ARID1A: variants seen among roughly 807,000 people sequenced by gnomAD.
ARID1A encodes AT-rich interaction domain 1A, also known as AT-rich interactive domain-containing protein 1A.
ARID1A carries 20 observed loss-of-function variants against 212.6 expected under a neutral mutation model. That is an observed-to-expected ratio of 0.09 (90% CI 0.07 to 0.14). ARID1A has a LOEUF of 0.14. ARID1A is among the 10% of genes least tolerant of loss of function. ARID1A has a pLI of 1.00. For missense variants in ARID1A, 2,587 were observed against 3,059.0 expected, an observed-to-expected ratio of 0.85 and a Z score of 3.64; for synonymous variants, 1,376 against 1,222.1, an observed-to-expected ratio of 1.13 and a Z score of -2.63.
Position 26,731,441 on chromosome 1 carries a change from G to C in ARID1A, c.1640G>C (p.Ser547Thr). The C allele has an allele frequency of 6.2e-7, 1 of 1,613,574 alleles. No individual in the cohort carries two copies. Among genetic ancestry groups the C allele is most frequent in the Non-Finnish European group, 8.5e-7 (1 of 1,179,900 alleles). Reference sequence around the variant, plus strand: ...TCGACGACACAGCAGCACCCCCAGAGCCAGCCCCCCTACTCACAGCCACAG... The same window carrying C: ...TCGACGACACAGCAGCACCCCCAGACCCAGCCCCCCTACTCACAGCCACAG... Reference protein sequence around the residue: ...QQSTTQQHPQSQPPYSQPQAQ... With the variant: ...QQSTTQQHPQTQPPYSQPQAQ... Residue 547 changes from serine to threonine, a missense_variant, in exon 3 of 20, where the codon AGC becomes ACC. Physicochemically the swap from Ser to Thr is moderately conservative, Grantham distance 58. Transcript: ENST00000324856.
Position 26,779,685 on chromosome 1 carries a change from T to G in ARID1A, c.5787T>G (p.Ser1929Arg), listed in dbSNP as rs746078309. ...CCTTGACCGAGGATGGAGCTAAGAG[T>G]TCAGAGGCCATCAAGGAGAGCAGCA... ...SSTLTEDGAK[S>R]SEAIKESSKF... is the part of the protein sequence containing the mutation. The change falls in exon 20 of 20, where the codon AGT (serine) becomes AGG (arginine). Residue 1929 changes from serine to arginine, a missense_variant. Coordinates refer to ENST00000324856, the MANE Select transcript of ARID1A (RefSeq NM_006015.6). 6.2e-7 allele frequency: 1 copy of G among 1,613,612 alleles called. No individual in the cohort carries two copies. The highest frequency in any genetic ancestry group is 2.2e-5 in the East Asian group (1 of 44,858).
At position 26,717,283 on chromosome 1, in the gene ARID1A, G is replaced by C. The variant is rs555192171; in HGVS notation, c.1138-12368G>C. Among the ~76,000 whole-genome samples the C allele has an allele frequency of 5.3e-5, 8 of 152,312 alleles. No individual in the cohort carries two copies. In the South Asian group the frequency reaches 1.7e-3, roughly 32 times the overall value. On this transcript the variant is annotated intron_variant, in intron 1 of 19. Transcript: ENST00000324856. ...CATTTTGCCATTTCTCCTATTGAGG[G>C]TGCAGAGAGAGAAGTATTGTGTGTG...
chr1:26,733,771 C>T (rs1557593674), intron 4 of ARID1A, among the ~76,000 whole-genome samples: 1 of 152,162 alleles, frequency 6.6e-6, no homozygotes, highest in Non-Finnish European at 1.5e-5. Context: ...GAAATTCAGC[C>T]ACATACCCAG....
At chr1:26,719,635 T>C (rs2080540677) in intron 1 of ARID1A, among the ~76,000 whole-genome samples, 1 of 152,094 alleles carries the variant, frequency 6.6e-6, no homozygotes, top group Admixed American at 6.5e-5. Context: ...TTTTTTTTTT[T>C]TCTTTTTAAA....
intron 4 of ARID1A, among the ~76,000 whole-genome samples, chr1:26,750,613 G>A (rs1246263729): frequency 1.3e-5 from 2 of 152,112 alleles, no homozygotes; most frequent in African/African-American, 2.4e-5. Context: ...CCTAAGAGGA[G>A]GCCATCTAGA....
rs2124739568 is a variant in ARID1A, at chr1:26,696,380, T to C, written c.-24T>C. ...GAAGACGAAGACAGGGCCGGGTCTCTCCGCGGACGAGACAGCGGGGATCAT... is the reference window on the plus strand; with the variant it reads ...GAAGACGAAGACAGGGCCGGGTCTCCCCGCGGACGAGACAGCGGGGATCAT... On this transcript the variant is annotated 5_prime_UTR_variant, in exon 1 of 20. Transcript: ENST00000324856. 1.6e-6 allele frequency: 2 copies of C among 1,241,916 alleles called. No individual in the cohort carries two copies. The highest frequency in any genetic ancestry group is 3.3e-5 in the East Asian group (1 of 29,994). The allele number at this position is 1,241,916 out of a possible 1,614,324, so 76.9% of individuals were successfully genotyped here.
At chr1:26,730,732 A>G (rs1250000646) in intron 2 of ARID1A, among the ~76,000 whole-genome samples, 1 of 152,338 alleles carries the variant, frequency 6.6e-6, no homozygotes, top group African/African-American at 2.4e-5. Context: ...TGATTTTCAC[A>G]CTGTCTGAAT....
In ARID1A at chr1:26,697,433, G is replaced by T. The variant is rs1386635702; in HGVS notation, c.1030G>T (p.Ala344Ser). Residue 344 changes from alanine (A) to serine (S), a missense_variant, in exon 1 of 20, where the codon GCT becomes TCT. Ala to Ser is a moderately conservative substitution (Grantham distance 99, BLOSUM62 1). Transcript: ENST00000324856. ...GTGTTGGGGGGCTGCGGCGGCGGCA[G>T]CTGCGGCGGCGGCCGCCTCGGGAGG... ...SQCWGAAAAA[A>S]AAAAASGGAQ... The T allele has an allele frequency of 1.5e-6, 2 of 1,353,498 alleles. No homozygotes were observed. The highest frequency in any genetic ancestry group is 1.9e-6 in the Non-Finnish European group (2 of 1,063,924). 83.8% of individuals were successfully genotyped at this position (1,353,498 alleles called of 1,614,324 possible). A position where few individuals can be genotyped will look rare whatever the true frequency, so the allele number is the denominator to read the frequency against.
intron 8 of ARID1A, chr1:26,764,426 A>G (rs1005363886): frequency 2.0e-5 from 3 of 151,920 alleles, no homozygotes; most frequent in Non-Finnish European, 4.4e-5. Context: ...TATGTCTTGG[A>G]TCTTTGGTGT....
At chr1:26,699,600 A>G (rs910523643) in intron 1 of ARID1A, among the ~76,000 whole-genome samples, 2 of 152,174 alleles carry the variant, frequency 1.3e-5, no homozygotes, top group African/African-American at 4.8e-5. Flanking sequence ...AAATAGGGAA[A>G]TGTTACATTG....
intron 4 of ARID1A, among the ~76,000 whole-genome samples, chr1:26,738,399 G>A (rs1350265150): frequency 6.6e-6 from 1 of 152,192 alleles, no homozygotes; most frequent in African/African-American, 2.4e-5. Context: ...TTTAATGCAA[G>A]TTCATTGAGG....
intron 4 of ARID1A, among the ~76,000 whole-genome samples, chr1:26,738,275 G>C (rs556339996): frequency 6.6e-6 from 1 of 151,970 alleles, no homozygotes; most frequent in Non-Finnish European, 1.5e-5. Context: ...CACCCGCCTC[G>C]GCCTCCCAAG....
At chr1:26,706,000 A>G (rs1191736338) in intron 1 of ARID1A, among the ~76,000 whole-genome samples, 2 of 152,172 alleles carry the variant, frequency 1.3e-5, no homozygotes, top group Non-Finnish European at 2.9e-5. Context: ...CATATTAGAA[A>G]TCACCCAGTA....
intron 11 of ARID1A, among the ~76,000 whole-genome samples, chr1:26,768,297 A>G (rs924629733): frequency 3.9e-5 from 6 of 152,244 alleles, no homozygotes; most frequent in African/African-American, 1.4e-4. Context: ...GCAATTTGGC[A>G]TAGTAGCAAA....
At chr1:26,720,443 A>C (rs1296423186) in intron 1 of ARID1A, among the ~76,000 whole-genome samples, 1 of 151,618 alleles carries the variant, frequency 6.6e-6, no homozygotes, top group Admixed American at 6.6e-5. Flanking sequence ...ATTGCACTCC[A>C]GCATGGGCGA....
intron 1 of ARID1A, among the ~76,000 whole-genome samples, chr1:26,713,686 G>GAAAA (rs890542444): frequency 1.3e-5 from 2 of 152,080 alleles, no homozygotes; most frequent in Admixed American, 6.6e-5. Context: ...TCCTTTCTTG[G>GAAAA]AAAAGCCTGG....
At chr1:26,770,719 C>G (rs1428303303) in intron 11 of ARID1A, 1 of 193,330 alleles carries the variant, frequency 5.2e-6, no homozygotes, top group Non-Finnish European at 1.1e-5. Context: ...GATCACGCCA[C>G]TGCACTCCAG....
intron 1 of ARID1A, among the ~76,000 whole-genome samples, chr1:26,711,568 A>G (rs1036060330): frequency 4.6e-5 from 7 of 152,234 alleles, no homozygotes; most frequent in African/African-American, 4.8e-5. Context: ...TCAGGGTTTC[A>G]TAAACATTCA....
Position 26,742,400 on chromosome 1 carries a change from G to C in ARID1A, c.1920+9608G>C, listed in dbSNP as rs2080795970. On this transcript the variant is annotated intron_variant, in intron 4 of 19. Transcript: ENST00000324856. ...ACTAGAGTTTGGTTATTTGGTTCCT[G>C]TGTGGGATGAGAGCAAGCCCTGTTC... 2.0e-5 allele frequency among the ~76,000 whole-genome samples: 3 copies of C among 152,184 alleles called. No individual in the cohort carries two copies. The South Asian group carries it at 6.2e-4, about 32-fold the overall frequency.
Sources: allele counts gnomAD v4.1 joint callset (sites outside exome capture counted in the v4.1 genomes callset), GRCh38; gene constraint gnomAD v4.1.1; transcripts MANE v1.5; gene names NCBI Gene and HGNC (gene_info 2026-07-23, HGNC 2026-07-21).